SIDT1: variants seen among roughly 807,000 people sequenced by gnomAD.
SIDT1 encodes the protein SID1 transmembrane family, member 1.
A neutral mutation model predicts 107.5 loss-of-function variants in SIDT1; 101 were observed. The observed-to-expected ratio is 0.94, with a 90% CI of 0.80 to 1.11. SIDT1 has a LOEUF of 1.11. Ranked by LOEUF, SIDT1 falls within the 50% of genes least tolerant of loss-of-function variation. The pLI is 0.00. For missense variants in SIDT1, 1,076 were observed against 1,058.2 expected (o/e 1.02, Z -0.23); for synonymous variants, 395 against 398.2 (o/e 0.99, Z 0.10).
intron 1 of SIDT1, among the ~76,000 whole-genome samples, 186 bp downstream of exon 1, chr3:113,533,429 C>T (rs1290279267): frequency 6.6e-6 from 1 of 152,200 alleles, no homozygotes; most frequent in African/African-American, 2.4e-5. Flanking sequence ...GGGGACAACT[C>T]TGCTTCGCCT....
chr3:113,573,025 T>C (rs1942599601), intron 3 of SIDT1, among the ~76,000 whole-genome samples: 1 of 151,704 alleles, frequency 6.6e-6, no homozygotes, highest in Non-Finnish European at 1.5e-5. Flanking sequence ...TTAATGATGC[T>C]GTACTGAGCA....
Position 113,608,234 on chromosome 3 carries a change from T to C in SIDT1, c.1602+17T>C, listed in dbSNP as rs371455444. On this transcript the variant is annotated intron_variant, in intron 16 of 24. Coordinates refer to ENST00000264852, the MANE Select transcript of SIDT1 (RefSeq NM_017699.3). ...TTTGCTGTGGTGAGGAAAGAGTGGG[T>C]AGGAGCTAGGAAGGGTTATGGATCC... 7.3e-5 allele frequency: 114 copies of C among 1,569,916 alleles called. No homozygotes were observed. The highest frequency in any genetic ancestry group is 9.2e-5 in the Non-Finnish European group (107 of 1,157,694).
chr3:113,626,043 A>G, intron 23 of SIDT1, 59 bp from the exon 24 acceptor site: 4 of 1,203,132 alleles, frequency 3.3e-6, no homozygotes, highest in Admixed American at 1.7e-5. Context: ...TGGACGTTCA[A>G]CTCTTTGAAC....
chr3:113,598,136 A>G (rs569541714), intron 10 of SIDT1, among the ~76,000 whole-genome samples: 1 of 152,332 alleles, frequency 6.6e-6, no homozygotes, highest in East Asian at 1.9e-4. Flanking sequence ...CTGTCACAGA[A>G]CCCATGATGT....
intron 4 of SIDT1, among the ~76,000 whole-genome samples, chr3:113,579,130 G>A (rs1007955237): frequency 6.6e-6 from 1 of 152,160 alleles, no homozygotes; most frequent in Non-Finnish European, 1.5e-5. Flanking sequence ...TGCAGAAACT[G>A]GGGAGGTAGC....
At chr3:113,594,154 A>G (rs552345294) in intron 10 of SIDT1, among the ~76,000 whole-genome samples, 2 of 152,284 alleles carry the variant, frequency 1.3e-5, no homozygotes, top group Non-Finnish European at 2.9e-5. Flanking sequence ...CCCCTCCAGC[A>G]GGATCATTGC....
At chr3:113,572,669 C>T (rs986577451) in intron 3 of SIDT1, among the ~76,000 whole-genome samples, 1 of 152,148 alleles carries the variant, frequency 6.6e-6, no homozygotes, top group Non-Finnish European at 1.5e-5. Flanking sequence ...TGTATGGCAG[C>T]AACAAGGTTG....
At chr3:113,550,481 G>T (rs1419555349) in intron 1 of SIDT1, among the ~76,000 whole-genome samples, 1 of 152,172 alleles carries the variant, frequency 6.6e-6, no homozygotes, top group Admixed American at 6.5e-5. Flanking sequence ...AAGAACACAT[G>T]TTACTTGGGC....
At position 113,619,670 on chromosome 3, in the gene SIDT1, T is replaced by C. The variant is rs768932910; in HGVS notation, c.2044-10T>C. ...GCCTCTCATTTGATGTTTTCTTTCCTCTTTTCCAGGATAGAATGGTGTTGC... is the reference window on the plus strand; with the variant it reads ...GCCTCTCATTTGATGTTTTCTTTCCCCTTTTCCAGGATAGAATGGTGTTGC... On this transcript the variant is annotated splice_polypyrimidine_tract_variant and intron_variant, in intron 20 of 24. Transcript: ENST00000264852. 6.2e-7 allele frequency: 1 copy of C among 1,613,972 alleles called. No individual in the cohort carries two copies. Among genetic ancestry groups the C allele is most frequent in the Non-Finnish European group, 8.5e-7 (1 of 1,179,826 alleles).
chr3:113,623,382 A>G (rs1946609678), intron 21 of SIDT1, 45 bp from the exon 22 acceptor site: 2 of 1,318,790 alleles, frequency 1.5e-6, no homozygotes, highest in South Asian at 1.2e-5. Context: ...CAATAGTGTT[A>G]CAAATCCACC....
intron 9 of SIDT1, among the ~76,000 whole-genome samples, chr3:113,589,218 G>GT (rs1364403426): frequency 6.6e-6 from 1 of 152,158 alleles, no homozygotes; most frequent in Non-Finnish European, 1.5e-5. Context: ...ATAAGGTGAG[G>GT]TGCAGCCATT....
chr3:113,599,611 T>C (rs1437127307), intron 10 of SIDT1, among the ~76,000 whole-genome samples: 2 of 152,358 alleles, frequency 1.3e-5, no homozygotes, highest in East Asian at 1.9e-4. Flanking sequence ...GAGGATGTTA[T>C]GCTAAGTGGA....
chr3:113,565,645 G>A (rs7645464), intron 1 of SIDT1, among the ~76,000 whole-genome samples: 22,977 of 152,196 alleles, frequency 0.15, 1,822 homozygotes, highest in Non-Finnish European at 0.19. Flanking sequence ...GTTGATATGT[G>A]TGTATTCAGA....
chr3:113,635,224 A>C, the SIDT1 span, among the ~76,000 whole-genome samples: 1 of 152,214 alleles, frequency 6.6e-6, no homozygotes, highest in Non-Finnish European at 1.5e-5. Flanking sequence ...AGCCCAGTGC[A>C]TTGGCTCATG....
chr3:113,533,992 T>C (rs1559994554), intron 1 of SIDT1, among the ~76,000 whole-genome samples: 1 of 152,216 alleles, frequency 6.6e-6, no homozygotes, highest in Non-Finnish European at 1.5e-5. Flanking sequence ...ACTCCGATTA[T>C]ATAACGTAAG....
downstream of SIDT1, among the ~76,000 whole-genome samples, chr3:113,632,344 C>T (rs1438316523): frequency 2.0e-5 from 3 of 152,118 alleles, no homozygotes; most frequent in Admixed American, 6.5e-5. Context: ...TTCAAACGCT[C>T]TCTCTTTTAG....
At chr3:113,587,238 T>G (rs1943806287) in intron 9 of SIDT1, among the ~76,000 whole-genome samples, 1 of 152,206 alleles carries the variant, frequency 6.6e-6, no homozygotes, top group Admixed American at 6.5e-5. Flanking sequence ...TACATCTTTA[T>G]GGGGAGGTGA....
At chr3:113,593,171 C>T (rs1944298057) in intron 10 of SIDT1, 123 bp downstream of exon 10, 1 of 847,180 alleles carries the variant, frequency 1.2e-6, no homozygotes, top group African/African-American at 1.7e-5. Flanking sequence ...TCCTATCCCG[C>T]AGAGTAGTCT....
intron 3 of SIDT1, among the ~76,000 whole-genome samples, 168 bp from the exon 4 acceptor site, chr3:113,576,754 T>A (rs1942934121): frequency 6.6e-6 from 1 of 152,236 alleles, no homozygotes; most frequent in African/African-American, 2.4e-5. Flanking sequence ...CAAGTCCCCA[T>A]GCAGTCTACT....
Sources: gnomAD v4.1 joint callset for allele counts (sites outside exome capture counted in the v4.1 genomes callset) on GRCh38, gnomAD v4.1.1 for gene constraint, MANE v1.5 for transcripts, NCBI Gene and HGNC (gene_info 2026-07-23, HGNC 2026-07-21) for gene names.